The following RAD51C variants were observed in gnomAD, a reference collection of about 807,000 sequenced individuals.
RAD51C encodes the protein DNA repair protein RAD51 homolog 3.
RAD51C carries 42 observed loss-of-function variants against 45.0 expected under a neutral mutation model. The observed-to-expected ratio is 0.93, with a 90% confidence interval of 0.73 to 1.21. The LOEUF is 1.21. Ranked by LOEUF, RAD51C falls within the 50% of genes most tolerant of loss-of-function variation. The probability of loss-of-function intolerance (pLI) is 0.00; values close to 1 mark genes in which losing one functional copy is unlikely to be tolerated. For missense variants in RAD51C, 474 were observed against 452.2 expected, an observed-to-expected ratio of 1.05 and a Z score of -0.44; for synonymous variants, 172 against 159.8, an observed-to-expected ratio of 1.08 and a Z score of -0.58.
intron 5 of RAD51C, among the ~76,000 whole-genome samples, chr17:58,714,104 T>TC (rs2048649688): frequency 6.6e-6 from 1 of 151,474 alleles, no homozygotes; most frequent in South Asian, 2.1e-4. Context: ...CATTCCACAG[T>TC]CTCCCGAATA....
At chr17:58,718,306 G>A (rs1030338756) in intron 5 of RAD51C, among the ~76,000 whole-genome samples, 14 of 151,716 alleles carry the variant, frequency 9.2e-5, no homozygotes, top group African/African-American at 3.1e-4. Context: ...GCTGTTTCTC[G>A]GTTTTCTTAC....
intron 5 of RAD51C, among the ~76,000 whole-genome samples, chr17:58,719,596 T>C (rs1048515674): frequency 6.6e-6 from 1 of 152,012 alleles, no homozygotes; most frequent in Non-Finnish European, 1.5e-5. Flanking sequence ...GGGAGGATCA[T>C]GTGAGTCTAG....
At chr17:58,705,042 A>G (rs2048332000) in intron 4 of RAD51C, among the ~76,000 whole-genome samples, 1 of 151,790 alleles carries the variant, frequency 6.6e-6, no homozygotes, top group African/African-American at 2.4e-5. Context: ...GAGACAGGAG[A>G]ATCGCTTGAA....
At chr17:58,714,109 C>T (rs1373441324) in intron 5 of RAD51C, among the ~76,000 whole-genome samples, 3 of 151,912 alleles carry the variant, frequency 2.0e-5, no homozygotes, top group Non-Finnish European at 4.4e-5. Context: ...CACAGTCTCC[C>T]GAATAGCTGG....
At chr17:58,700,563 C>T (rs1174949687) in intron 3 of RAD51C, among the ~76,000 whole-genome samples, 1 of 152,090 alleles carries the variant, frequency 6.6e-6, no homozygotes, top group South Asian at 2.1e-4. Context: ...CTGCCTCAGC[C>T]TCCCAAGTAG....
intron 7 of RAD51C, among the ~76,000 whole-genome samples, chr17:58,729,500 C>A (rs1041386796): frequency 1.3e-5 from 2 of 152,066 alleles, no homozygotes; most frequent in African/African-American, 2.4e-5. Flanking sequence ...CAGGTGTGAG[C>A]CACCGCGCCC....
intron 4 of RAD51C, among the ~76,000 whole-genome samples, chr17:58,705,295 G>A (rs908209543): frequency 9.9e-5 from 15 of 151,828 alleles, no homozygotes; most frequent in African/African-American, 2.7e-4. Context: ...TCATATGATA[G>A]GGAGGAAAAG....
intron 1 of RAD51C, chr17:58,693,921 C>A (rs2047897130): frequency 2.0e-5 from 3 of 152,102 alleles, no homozygotes; most frequent in Admixed American, 2.0e-4. Context: ...TTTATTAGCC[C>A]CATATTTATG....
At chr17:58,704,439 A>ATTT (rs879696109) in intron 4 of RAD51C, among the ~76,000 whole-genome samples, 1 of 142,970 alleles carries the variant, frequency 7.0e-6, no homozygotes, top group Non-Finnish European at 1.5e-5. Flanking sequence ...CGCCTGGCTA[A>ATTT]TTTTTTTTTT....
chr17:58,728,678 G>A (rs1335508974), intron 7 of RAD51C, among the ~76,000 whole-genome samples: 3 of 152,086 alleles, frequency 2.0e-5, no homozygotes, highest in Admixed American at 6.6e-5. Flanking sequence ...GATTATAGGC[G>A]TGAGCCACAG....
intron 1 of RAD51C, 26 bp from the exon 2 acceptor site, chr17:58,694,905 T>A (rs2143716453): frequency 6.4e-7 from 1 of 1,564,712 alleles, no homozygotes; most frequent in African/African-American, 1.4e-5. Context: ...AAAATTAGGG[T>A]TCTTTTTTTC....
chr17:58,695,395 AGT>A, intron 2 of RAD51C: 2 of 1,329,036 alleles, frequency 1.5e-6, no homozygotes, highest in Admixed American at 6.7e-5. Context: ...GATGTGAAAA[AGT>A]GTTTCTTTTG....
In RAD51C at chr17:58,696,800, A is replaced by T. The variant is rs1064793623; in HGVS notation, c.512A>T (p.Asp171Val). The change falls in exon 3 of 9, where the codon GAC (aspartate) becomes GTC (valine). Residue 171 changes from aspartate to valine, a missense_variant. By Grantham distance (152) the Asp-to-Val change is radical. Transcript: ENST00000337432. ...AGTTTTATGGTTGATAGAGTGGTAG[A>T]CCTTGCTACTGCCTGCATTCAGCAC... ...EGSFMVDRVVDLATACIQHLQ... is the reference protein window; with the variant it reads ...EGSFMVDRVVVLATACIQHLQ... The T allele has an allele frequency of 6.2e-7, 1 of 1,614,218 alleles. No homozygotes were observed. Among genetic ancestry groups the T allele is most frequent in the Non-Finnish European group, 8.5e-7 (1 of 1,180,036 alleles).
chr17:58,692,899 C>A, intron 1 of RAD51C, 111 bp downstream of exon 1: 1 of 1,502,430 alleles, frequency 6.7e-7, no homozygotes, highest in South Asian at 1.1e-5. Context: ...TCTGCTTCCT[C>A]CCACGTCCAT....
chr17:58,710,102 T>C, intron 5 of RAD51C, 112 bp downstream of exon 5: 1 of 1,253,530 alleles, frequency 8.0e-7, no homozygotes, highest in Non-Finnish European at 1.1e-6. Flanking sequence ...AGACATGCAG[T>C]TTTGAGTAAA....
chr17:58,703,933 CTTTTT>C (rs67254535), intron 4 of RAD51C, among the ~76,000 whole-genome samples: 1 of 66,528 alleles, frequency 1.5e-5, no homozygotes, highest in Non-Finnish European at 3.1e-5. Flanking sequence ...CATGTATCAC[CTTTTT>C]TTTTTTTTTT....
chr17:58,724,028 T>C lies in RAD51C; in HGVS notation c.905-12T>C. On this transcript the variant is annotated splice_polypyrimidine_tract_variant and intron_variant, in intron 6 of 8. Coordinates refer to ENST00000337432, the MANE Select transcript of RAD51C (RefSeq NM_058216.3). ...TAAGGCCATATACAGTTATTATGTT[T>C]TTTACTCTCAGGGGAAAGTTGGGGA... The C allele has an allele frequency of 6.2e-7, 1 of 1,608,514 alleles. No homozygotes were observed. The highest frequency in any genetic ancestry group is 1.7e-4 in the Middle Eastern group (1 of 6,052).
intron 5 of RAD51C, among the ~76,000 whole-genome samples, chr17:58,715,912 C>G (rs2048716050): frequency 6.6e-6 from 1 of 152,108 alleles, no homozygotes; most frequent in Non-Finnish European, 1.5e-5. Context: ...CGAGACCAGC[C>G]TGGCCAACAT....
At chr17:58,729,379 G>C (rs2049313813) in intron 7 of RAD51C, among the ~76,000 whole-genome samples, 3 of 151,704 alleles carry the variant, frequency 2.0e-5, no homozygotes, top group Admixed American at 1.3e-4. Context: ...CACCACGCCT[G>C]GCTAATTTTT....
Sources: allele counts gnomAD v4.1 joint callset (sites outside exome capture counted in the v4.1 genomes callset), GRCh38; gene constraint gnomAD v4.1.1; transcripts MANE v1.5; gene names NCBI Gene and HGNC (gene_info 2026-07-23, HGNC 2026-07-21).